MEMO1: variants seen among roughly 807,000 people sequenced by gnomAD.
MEMO1 encodes protein MEMO1.
MEMO1 carries 6 observed loss-of-function variants against 45.2 expected under a neutral mutation model. That is an observed-to-expected ratio of 0.13 (90% confidence interval 0.07 to 0.26). The LOEUF (loss-of-function observed/expected upper bound fraction) is 0.26, where lower values mean the gene tolerates loss of function less well. Among genes scored for constraint, MEMO1 ranks in the 10% least tolerant of loss-of-function variants. MEMO1 has a pLI of 1.00. For missense variants in MEMO1, 184 were observed against 370.5 expected, an observed-to-expected ratio of 0.50 and a Z score of 4.13; for synonymous variants, 78 against 124.3, an observed-to-expected ratio of 0.63 and a Z score of 2.48.
chr2:31,934,177 A>G (rs1477368177), intron 3 of MEMO1, among the ~76,000 whole-genome samples: 2 of 152,132 alleles, frequency 1.3e-5, no homozygotes, highest in African/African-American at 2.4e-5. Context: ...TGTCACTCAT[A>G]TACCATCCCT....
At chr2:31,999,550 G>C (rs1364654529) in intron 2 of MEMO1, among the ~76,000 whole-genome samples, 1 of 152,116 alleles carries the variant, frequency 6.6e-6, no homozygotes, top group East Asian at 1.9e-4. Flanking sequence ...CCTGCCTGTA[G>C]TCCCAGCTAC....
At chr2:31,963,141 T>C in intron 2 of MEMO1, 4 of 1,515,682 alleles carry the variant, frequency 2.6e-6, no homozygotes, top group Non-Finnish European at 3.6e-6. Context: ...CTCCCATTTC[T>C]TAGGGCTTCA....
intron 2 of MEMO1, among the ~76,000 whole-genome samples, chr2:32,001,743 T>A (rs1159403829): frequency 6.6e-6 from 1 of 152,270 alleles, no homozygotes; most frequent in East Asian, 1.9e-4. Flanking sequence ...TCAGATGACG[T>A]AGCCTCCTCC....
At chr2:31,881,390 G>T (rs1675335712) in intron 8 of MEMO1, among the ~76,000 whole-genome samples, 1 of 150,398 alleles carries the variant, frequency 6.6e-6, no homozygotes, top group African/African-American at 2.4e-5. Context: ...GGCCACTCAG[G>T]AGACTGAGGT....
At chr2:31,982,314 A>C (rs1670735163) in intron 2 of MEMO1, among the ~76,000 whole-genome samples, 1 of 131,954 alleles carries the variant, frequency 7.6e-6, no homozygotes, top group Non-Finnish European at 1.6e-5. Context: ...AAAAAAGGCC[A>C]GACGCGGTGG....
intron 6 of MEMO1, among the ~76,000 whole-genome samples, chr2:31,897,258 G>C (rs1464026362): frequency 1.3e-5 from 2 of 152,208 alleles, no homozygotes; most frequent in Admixed American, 1.3e-4. Flanking sequence ...CCAATACTAT[G>C]TTGAATAGGA....
intron 4 of MEMO1, among the ~76,000 whole-genome samples, chr2:31,921,896 G>C (rs1442377119): frequency 6.6e-6 from 1 of 152,176 alleles, no homozygotes. Flanking sequence ...CTGAGCTAAA[G>C]TGTAGCTTAA....
At chr2:31,884,520 A>C (rs756710596) in intron 7 of MEMO1, among the ~76,000 whole-genome samples, 3 of 152,174 alleles carry the variant, frequency 2.0e-5, no homozygotes, top group Non-Finnish European at 4.4e-5. Flanking sequence ...TCGGCTAGAT[A>C]ATTAAGATTT....
At position 31,972,477 on chromosome 2, in the gene MEMO1, G is replaced by A. The variant is rs754761733; in HGVS notation, c.62-29094C>T. On this transcript the variant is annotated intron_variant, in intron 2 of 9. Transcript: ENST00000404530. ...CATAATCCCAGCACTTTGGGAGGCC[G>A]AGGCAGGTGGATCACTTGAGGTCAG... Among the ~76,000 whole-genome samples, 10 of 152,160 alleles carry A rather than the reference G, an allele frequency of 6.6e-5. No individual in the cohort carries two copies. The South Asian group carries it at 1.0e-3, about 16-fold the overall frequency.
intron 2 of MEMO1, among the ~76,000 whole-genome samples, chr2:31,979,191 C>T (rs937175399): frequency 4.6e-5 from 7 of 152,076 alleles, no homozygotes; most frequent in Non-Finnish European, 8.8e-5. Context: ...GTGAGAAATC[C>T]CTCACTACGA....
intron 2 of MEMO1, among the ~76,000 whole-genome samples, chr2:31,993,945 C>CTTTTTTTTTT (rs1558562652): frequency 8.0e-5 from 10 of 124,580 alleles, no homozygotes; most frequent in African/African-American, 3.1e-4. Context: ...ATCATCAATA[C>CTTTTTTTTTT]TTTCTTTTTT....
Position 31,986,388 on chromosome 2 carries a change from C to T in MEMO1, c.61+23799G>A, listed in dbSNP as rs532242752. On this transcript the variant is annotated intron_variant, in intron 2 of 9. Coordinates refer to ENST00000404530, the MANE Select transcript of MEMO1 (RefSeq NM_001301833.4). ...TCGGGAGGCTGAGACAGGAGAATGGCATGAACCCGGAAGGCGGAGCTTGCA... is the reference window on the plus strand; with the variant it reads ...TCGGGAGGCTGAGACAGGAGAATGGTATGAACCCGGAAGGCGGAGCTTGCA... Among the ~76,000 whole-genome samples, 6 of 152,204 alleles carry T rather than the reference C, an allele frequency of 3.9e-5. No individual in the cohort carries two copies. The South Asian group carries it at 1.2e-3, about 32-fold the overall frequency.
chr2:31,998,608 G>A (rs1012285424), intron 2 of MEMO1, among the ~76,000 whole-genome samples: 3 of 152,058 alleles, frequency 2.0e-5, no homozygotes, highest in Admixed American at 2.0e-4. Context: ...AGACCAACCT[G>A]GCCAACATAG....
At chr2:31,959,011 GAGAA>G (rs1243972038) in intron 2 of MEMO1, among the ~76,000 whole-genome samples, 2 of 152,252 alleles carry the variant, frequency 1.3e-5, no homozygotes, top group Non-Finnish European at 2.9e-5. Context: ...AGGGGGATAA[GAGAA>G]AGAATCAATG....
intron 7 of MEMO1, among the ~76,000 whole-genome samples, chr2:31,884,479 A>G (rs758247717): frequency 5.9e-5 from 9 of 152,288 alleles, no homozygotes; most frequent in Middle Eastern, 6.8e-3. Flanking sequence ...ATATCCAGTT[A>G]CCACCCTCAC....
intron 2 of MEMO1, among the ~76,000 whole-genome samples, chr2:31,969,213 C>T (rs1278865709): frequency 6.6e-6 from 1 of 151,524 alleles, no homozygotes; most frequent in Non-Finnish European, 1.5e-5. Context: ...TATTTCAGCA[C>T]CAAGTCTCAT....
intron 7 of MEMO1, among the ~76,000 whole-genome samples, chr2:31,885,400 G>A (rs1348808622): frequency 6.6e-6 from 1 of 152,162 alleles, no homozygotes. Flanking sequence ...GATTACAGGC[G>A]TGAGCCACCA....
At chr2:31,961,619 A>C (rs913033864) in intron 2 of MEMO1, among the ~76,000 whole-genome samples, 16 of 115,186 alleles carry the variant, frequency 1.4e-4, no homozygotes, top group Middle Eastern at 5.1e-3. Flanking sequence ...AAAAAAAAAC[A>C]AAAAAAAAAC....
intron 8 of MEMO1, among the ~76,000 whole-genome samples, chr2:31,881,349 G>A (rs1050392782): frequency 4.6e-5 from 7 of 151,754 alleles, no homozygotes; most frequent in African/African-American, 1.4e-4. Flanking sequence ...AAAAAAATTA[G>A]CCAGGTGTGG....
Sources: allele counts gnomAD v4.1 joint callset (sites outside exome capture counted in the v4.1 genomes callset), GRCh38; gene constraint gnomAD v4.1.1; transcripts MANE v1.5; gene names NCBI Gene and HGNC (gene_info 2026-07-23, HGNC 2026-07-21).